OSBPL10: variants seen among roughly 807,000 people sequenced by gnomAD.
OSBPL10 encodes the protein oxysterol-binding protein-related protein 10.
In OSBPL10, 49 loss-of-function variants were observed where a neutral mutation model predicts 81.7. The observed-to-expected ratio is 0.60, with a 90% CI of 0.48 to 0.76. The LOEUF is 0.76. Ranked by LOEUF, OSBPL10 falls within the 30% of genes least tolerant of loss-of-function variation. The pLI, the probability that OSBPL10 is intolerant of heterozygous loss-of-function variation, is 0.00. For missense variants in OSBPL10, 923 were observed against 987.8 expected, an observed-to-expected ratio of 0.93 and a Z score of 0.88; for synonymous variants, 419 against 383.6, an observed-to-expected ratio of 1.09 and a Z score of -1.08.
intron 2 of OSBPL10, among the ~76,000 whole-genome samples, chr3:32,038,701 A>C (rs1048074142): frequency 6.6e-6 from 1 of 152,234 alleles, no homozygotes; most frequent in Non-Finnish European, 1.5e-5. Context: ...TCAACTGTAC[A>C]TGGGCATAAG....
At chr3:31,975,197 C>A (rs551698998) in intron 1 of OSBPL10, among the ~76,000 whole-genome samples, 10 of 152,286 alleles carry the variant, frequency 6.6e-5, no homozygotes, top group African/African-American at 2.2e-4. Context: ...GCAACCATCC[C>A]TTTTATTATT....
chr3:31,778,395 C>G (rs929470576), intron 4 of OSBPL10, among the ~76,000 whole-genome samples: 12 of 152,284 alleles, frequency 7.9e-5, no homozygotes, highest in African/African-American at 2.9e-4. Flanking sequence ...CCCTGCCTGC[C>G]TCCACCTGAT....
intron 4 of OSBPL10, among the ~76,000 whole-genome samples, chr3:31,780,719 T>C (rs925974515): frequency 2.6e-5 from 4 of 152,244 alleles, no homozygotes; most frequent in African/African-American, 9.6e-5. Context: ...AGGAGATAGA[T>C]AAATTCCTGG....
chr3:31,911,455 G>A (rs571677450), intron 1 of OSBPL10, among the ~76,000 whole-genome samples: 1 of 152,204 alleles, frequency 6.6e-6, no homozygotes, highest in Admixed American at 6.5e-5. Context: ...ACCCTCAGGG[G>A]AATGGCGAAA....
chr3:31,905,251 C>T (rs531113360), intron 1 of OSBPL10, among the ~76,000 whole-genome samples: 5 of 151,506 alleles, frequency 3.3e-5, no homozygotes, highest in Non-Finnish European at 7.4e-5. Context: ...GCTGTGATTT[C>T]CTAGTCCTCA....
chr3:31,814,308 C>T (rs1263360921), intron 4 of OSBPL10, among the ~76,000 whole-genome samples: 5 of 152,204 alleles, frequency 3.3e-5, no homozygotes, highest in Admixed American at 3.3e-4. Context: ...TAATCTCATG[C>T]TGTGACCTAA....
chr3:31,986,820 C>T (rs962042691), intron 2 of OSBPL10, among the ~76,000 whole-genome samples: 3 of 152,056 alleles, frequency 2.0e-5, no homozygotes, highest in African/African-American at 7.2e-5. Flanking sequence ...GCCTGGGCAA[C>T]CTGGAGAGAC....
intron 1 of OSBPL10, among the ~76,000 whole-genome samples, chr3:31,909,947 T>C (rs1035754452): frequency 6.6e-6 from 1 of 151,658 alleles, no homozygotes; most frequent in Non-Finnish European, 1.5e-5. Context: ...ACTGGCGCTG[T>C]GTAAGACAAT....
intron 1 of OSBPL10, among the ~76,000 whole-genome samples, chr3:31,964,121 T>C (rs1406497061): frequency 6.6e-6 from 1 of 152,178 alleles, no homozygotes; most frequent in Non-Finnish European, 1.5e-5. Context: ...AGCTGTCAGA[T>C]GTTTCTCCAA....
intron 4 of OSBPL10, among the ~76,000 whole-genome samples, chr3:31,769,604 A>T (rs1417698942): frequency 6.8e-6 from 1 of 146,904 alleles, no homozygotes; most frequent in Non-Finnish European, 1.5e-5. Context: ...TTAAAAATAT[A>T]TTTTTATATT....
chr3:31,748,919 CTCA>C (rs1697625620), intron 4 of OSBPL10, among the ~76,000 whole-genome samples: 1 of 152,176 alleles, frequency 6.6e-6, no homozygotes, highest in South Asian at 2.1e-4. Flanking sequence ...GTTCATCCTC[CTCA>C]TGTTTTATAA....
intron 6 of OSBPL10, among the ~76,000 whole-genome samples, chr3:31,710,085 A>C (rs1696202586): frequency 6.6e-6 from 1 of 152,238 alleles, no homozygotes; most frequent in South Asian, 2.1e-4. Context: ...TTTAGGAGAC[A>C]GAGATGCACA....
At chr3:31,689,714 C>G (rs1427179591) in intron 7 of OSBPL10, among the ~76,000 whole-genome samples, 1 of 152,224 alleles carries the variant, frequency 6.6e-6, no homozygotes, top group Non-Finnish European at 1.5e-5. Context: ...GTTTCCCAAA[C>G]AAGCTCTCTC....
chr3:31,794,569 G>A, intron 4 of OSBPL10: 1 of 364,538 alleles, frequency 2.7e-6, no homozygotes, highest in Non-Finnish European at 5.5e-6. Context: ...TCTCCTTAGT[G>A]AGGTTCAGAG....
chr3:31,680,976 A>G (rs1700625777), intron 8 of OSBPL10, among the ~76,000 whole-genome samples: 1 of 151,348 alleles, frequency 6.6e-6, no homozygotes, highest in South Asian at 2.1e-4. Context: ...AAGATAACCT[A>G]AGAGGAGGAT....
chr3:32,075,511 T>C (rs982676895), intron 1 of OSBPL10, among the ~76,000 whole-genome samples: 1 of 152,194 alleles, frequency 6.6e-6, no homozygotes, highest in African/African-American at 2.4e-5. Flanking sequence ...TCTCAATTCA[T>C]ACAAAACAGC....
intron 7 of OSBPL10, among the ~76,000 whole-genome samples, chr3:31,695,212 G>C (rs1057140744): frequency 2.0e-5 from 3 of 152,190 alleles, no homozygotes; most frequent in Non-Finnish European, 2.9e-5. Context: ...TGTGCTCTCT[G>C]AAAGGGTTCA....
At position 31,829,916 on chromosome 3, in the gene OSBPL10, G is replaced by C. The variant is rs189919528; in HGVS notation, c.729+124C>G. On this transcript the variant is annotated intron_variant, in intron 4 of 11. Transcript: ENST00000396556. ...AGGACCGTCACAGCCGTGTGGCTGG[G>C]AGGTTTGCTGCTGGTCCTCTCTCCA... 1.7e-3 allele frequency: 1,559 copies of C among 936,920 alleles called. 6 individuals are homozygous for C. Among genetic ancestry groups the C allele is most frequent in the Admixed American group, 8.7e-3 (273 of 31,536 alleles). 58.0% of individuals were successfully genotyped at this position (936,920 alleles called of 1,614,324 possible).
In OSBPL10 at chr3:31,837,715, A is replaced by G. The variant is rs116360480; in HGVS notation, c.538-7484T>C. Among the ~76,000 whole-genome samples the G allele has an allele frequency of 7.9e-3, 1,194 of 152,032 alleles. 16 individuals are homozygous for G. The highest frequency in any genetic ancestry group is 0.028 in the African/African-American group (1,148 of 41,508). ...ATATATGATGAATTTAGAAAAACCA[A>G]TAGCATTCCTTCATATCAACGATAA... is the stretch of plus-strand genomic sequence containing the variant. On this transcript the variant is annotated intron_variant, in intron 3 of 11. Coordinates refer to ENST00000396556, the MANE Select transcript of OSBPL10 (RefSeq NM_017784.5).
Sources: gnomAD v4.1 joint callset for allele counts (sites outside exome capture counted in the v4.1 genomes callset) on GRCh38, gnomAD v4.1.1 for gene constraint, MANE v1.5 for transcripts, NCBI Gene and HGNC (gene_info 2026-07-23, HGNC 2026-07-21) for gene names.